Variants in LRRTM3 observed in about 807,000 individuals in gnomAD.
LRRTM3 encodes leucine-rich repeat transmembrane neuronal protein 3.
LRRTM3 carries 24 observed loss-of-function variants against 44.7 expected under a neutral mutation model. That is an observed-to-expected ratio of 0.54 (90% CI 0.39 to 0.76). The LOEUF is 0.76. Ranked by LOEUF, LRRTM3 falls within the 30% of genes least tolerant of loss-of-function variation. The pLI, the probability that LRRTM3 is intolerant of heterozygous loss-of-function variation, is 0.00. For synonymous variants in LRRTM3, 277 were observed against 278.7 expected (o/e 0.99, Z 0.06); for missense variants, 587 against 702.2 (o/e 0.84, Z 1.85).
intron 2 of LRRTM3, among the ~76,000 whole-genome samples, chr10:67,072,686 A>ATCTTTATC (rs1361957869): frequency 6.6e-6 from 1 of 152,262 alleles, no homozygotes; most frequent in East Asian, 1.9e-4. Context: ...AGCCTGGTAT[A>ATCTTTATC]TCTTTATCTT....
intron 2 of LRRTM3, among the ~76,000 whole-genome samples, chr10:66,961,193 A>G (rs962798434): frequency 6.6e-6 from 1 of 152,184 alleles, no homozygotes; most frequent in African/African-American, 2.4e-5. Flanking sequence ...TAATACCTGT[A>G]GTCTATTATG....
intron 2 of LRRTM3, among the ~76,000 whole-genome samples, chr10:67,078,443 C>G (rs1375040408): frequency 6.6e-6 from 1 of 152,142 alleles, no homozygotes; most frequent in Non-Finnish European, 1.5e-5. Flanking sequence ...CAAAATGTTA[C>G]TCCCCTTAAA....
At chr10:67,042,085 T>A (rs1187864091) in intron 2 of LRRTM3, among the ~76,000 whole-genome samples, 4 of 152,146 alleles carry the variant, frequency 2.6e-5, no homozygotes, top group African/African-American at 7.2e-5. Flanking sequence ...AAATTCAGAA[T>A]TTAGACTTTT....
intron 2 of LRRTM3, among the ~76,000 whole-genome samples, chr10:66,947,181 C>A (rs1304704399): frequency 6.6e-6 from 1 of 152,042 alleles, no homozygotes; most frequent in Admixed American, 6.6e-5. Flanking sequence ...GGTGTTCATG[C>A]CTAAATCTTT....
At chr10:67,030,738 G>A (rs1853666414) in intron 2 of LRRTM3, among the ~76,000 whole-genome samples, 1 of 152,144 alleles carries the variant, frequency 6.6e-6, no homozygotes, top group Admixed American at 6.5e-5. Flanking sequence ...AGATGCGGTG[G>A]CTCACGCCTG....
intron 2 of LRRTM3, among the ~76,000 whole-genome samples, chr10:66,959,618 C>T (rs936800648): frequency 2.0e-5 from 3 of 152,192 alleles, no homozygotes; most frequent in Non-Finnish European, 2.9e-5. Context: ...TCTACAACTA[C>T]TTTCAGGTCT....
intron 2 of LRRTM3, among the ~76,000 whole-genome samples, chr10:66,936,627 C>T (rs974460787): frequency 6.6e-6 from 1 of 152,090 alleles, no homozygotes; most frequent in African/African-American, 2.4e-5. Context: ...TTGGAGTCAT[C>T]GGACAGATGG....
intron 2 of LRRTM3, among the ~76,000 whole-genome samples, chr10:66,958,012 G>C (rs1848912216): frequency 6.6e-6 from 1 of 151,852 alleles, no homozygotes; most frequent in Admixed American, 6.6e-5. Context: ...ACAGAGGAAG[G>C]GTACATAGAA....
At chr10:66,986,914 T>C (rs1326820089) in intron 2 of LRRTM3, among the ~76,000 whole-genome samples, 2 of 152,162 alleles carry the variant, frequency 1.3e-5, no homozygotes, top group Non-Finnish European at 2.9e-5. Flanking sequence ...CAAAAATCAC[T>C]GTCTTCATGA....
chr10:67,088,496 C>T (rs1312199664), intron 2 of LRRTM3, among the ~76,000 whole-genome samples: 3 of 151,716 alleles, frequency 2.0e-5, no homozygotes, highest in South Asian at 4.2e-4. Context: ...ATAAACGGTG[C>T]CTGCATTACA....
At position 67,088,770 on chromosome 10, in the gene LRRTM3, T is replaced by C. The variant is rs1857449738; in HGVS notation, c.1537-8817T>C. Among the ~76,000 whole-genome samples the C allele has an allele frequency of 2.0e-5, 3 of 152,040 alleles. No individual in the cohort carries two copies. In the South Asian group the frequency reaches 6.2e-4, roughly 31 times the overall value. On this transcript the variant is annotated intron_variant, in intron 2 of 2. Coordinates refer to ENST00000361320, the MANE Select transcript of LRRTM3 (RefSeq NM_178011.5). Reference sequence around the variant, plus strand: ...ATGTTCCTGCAAAAAATATTTTGTCTCTCATTATTCTCGTTACAGACACTT... The same window carrying C: ...ATGTTCCTGCAAAAAATATTTTGTCCCTCATTATTCTCGTTACAGACACTT...
chr10:66,951,111 ACACACACTGT>A (rs1848516694), intron 2 of LRRTM3, among the ~76,000 whole-genome samples: 1 of 148,016 alleles, frequency 6.8e-6, no homozygotes, highest in Non-Finnish European at 1.5e-5. Flanking sequence ...ACACACACAC[ACACACACTGT>A]CTTTTTTTTT....
At chr10:67,053,622 C>A (rs1231942638) in intron 2 of LRRTM3, among the ~76,000 whole-genome samples, 3 of 152,056 alleles carry the variant, frequency 2.0e-5, no homozygotes, top group Non-Finnish European at 4.4e-5. Context: ...TTTGAGGATC[C>A]TTTTCTAAAC....
rs1358043168 is a variant in LRRTM3 at position 67,080,476 on chromosome 10, T to A, written c.1537-17111T>A. 5.3e-5 allele frequency among the ~76,000 whole-genome samples: 8 copies of A among 152,196 alleles called. No individual in the cohort carries two copies. The East Asian group carries it at 1.5e-3, about 29-fold the overall frequency. On this transcript the variant is annotated intron_variant, in intron 2 of 2. Coordinates refer to ENST00000361320, the MANE Select transcript of LRRTM3 (RefSeq NM_178011.5). ...AGAATGTTAGGTCCCAGCATCGCAA[T>A]ACATCTACTGACATGAGATTTTTTT...
chr10:67,002,391 G>A (rs1851740071), intron 2 of LRRTM3, among the ~76,000 whole-genome samples: 1 of 152,106 alleles, frequency 6.6e-6, no homozygotes, highest in Non-Finnish European at 1.5e-5. Flanking sequence ...AAGGCTTTCT[G>A]TAAAAGTGAG....
chr10:66,951,231 TC>T (rs1257315989), intron 2 of LRRTM3, among the ~76,000 whole-genome samples: 1 of 151,904 alleles, frequency 6.6e-6, no homozygotes, highest in Admixed American at 6.6e-5. Context: ...TTCTCCTGCC[TC>T]AGCCTCCTGA....
intron 2 of LRRTM3, among the ~76,000 whole-genome samples, chr10:66,957,393 CATAT>C (rs10532386): frequency 0.51 from 41,683 of 82,482 alleles, 9,207 homozygotes; most frequent in East Asian, 0.61. Context: ...TATATATATA[CATAT>C]ATATATATAT....
chr10:67,008,728 A>G (rs1852154611), intron 2 of LRRTM3, among the ~76,000 whole-genome samples: 1 of 152,168 alleles, frequency 6.6e-6, no homozygotes, highest in Admixed American at 6.6e-5. Flanking sequence ...TTCATCCTCC[A>G]GTAGGCTAGC....
At chr10:66,969,416 T>C (rs1387872668) in intron 2 of LRRTM3, among the ~76,000 whole-genome samples, 1 of 152,190 alleles carries the variant, frequency 6.6e-6, no homozygotes, top group African/African-American at 2.4e-5. Flanking sequence ...ATGCTATTGA[T>C]GCACATTTGA....
Sources: gnomAD v4.1 joint callset for allele counts (sites outside exome capture counted in the v4.1 genomes callset) on GRCh38, gnomAD v4.1.1 for gene constraint, MANE v1.5 for transcripts, NCBI Gene and HGNC (gene_info 2026-07-23, HGNC 2026-07-21) for gene names.